MORC3: variants seen among roughly 807,000 people sequenced by gnomAD.
MORC3 encodes MORC family CW-type zinc finger 3.
Under a neutral mutation model 109.1 loss-of-function variants are expected in MORC3, and 31 were observed. That is an observed-to-expected ratio of 0.28 (90% CI 0.21 to 0.38). The LOEUF (loss-of-function observed/expected upper bound fraction) is 0.38. Ranked by LOEUF, MORC3 falls within the 10% of genes least tolerant of loss-of-function variation. The probability of loss-of-function intolerance (pLI) is 1.00; values close to 1 mark genes in which losing one functional copy is unlikely to be tolerated. For missense variants in MORC3, 867 were observed against 1,135.8 expected (o/e 0.76, Z 3.40); for synonymous variants, 395 against 380.7 (o/e 1.04, Z -0.44).
At position 36,369,298 on chromosome 21, in the gene MORC3, G is replaced by A. The variant is rs1251356324; in HGVS notation, c.1930G>A (p.Val644Ile). 2 of 1,614,010 alleles carry A rather than the reference G, an allele frequency of 1.2e-6. No individual in the cohort carries two copies. The highest frequency in any genetic ancestry group is 4.5e-5 in the East Asian group (2 of 44,900). ...QGNTAATQTE[V>I]PSLVVKKEET... ...AAATACTGCAGCTACCCAGACTGAA[G>A]TACCAAGTTTAGTTGTTAAAAAAGA... is the stretch of plus-strand genomic sequence containing the variant. The change falls in exon 15 of 17, where the codon GTA (valine) becomes ATA (isoleucine). Residue 644 changes from valine to isoleucine, a missense_variant. Around this residue, in one of 7 missense-constraint regions of MORC3, gnomAD observed 486 missense variants for 502.1 expected, o/e 0.97. Transcript: ENST00000400485.
chr21:36,357,267 C>T (rs1183473808), intron 10 of MORC3, among the ~76,000 whole-genome samples: 2 of 151,960 alleles, frequency 1.3e-5, no homozygotes, highest in Non-Finnish European at 2.9e-5. Flanking sequence ...TGTTCTTTAT[C>T]TGTGTGTTCT....
chr21:36,363,235 A>G (rs956204647), intron 13 of MORC3, among the ~76,000 whole-genome samples: 3 of 152,124 alleles, frequency 2.0e-5, no homozygotes, highest in Non-Finnish European at 4.4e-5. Flanking sequence ...CCTGGGCAAT[A>G]TGGCAAAACC....
chr21:36,362,085 C>A, intron 12 of MORC3, 98 bp from the exon 13 acceptor site: 1 of 1,206,880 alleles, frequency 8.3e-7, no homozygotes, highest in Non-Finnish European at 1.2e-6. Flanking sequence ...GAAATAGAAG[C>A]AGAGTTCAGA....
chr21:36,328,538 G>A (rs1381973535), intron 1 of MORC3, among the ~76,000 whole-genome samples: 3 of 151,578 alleles, frequency 2.0e-5, no homozygotes, highest in East Asian at 3.9e-4. Flanking sequence ...ACAAGGTTTC[G>A]CCATGTTGGC....
intron 1 of MORC3, among the ~76,000 whole-genome samples, chr21:36,331,667 T>C (rs2085317032): frequency 6.6e-6 from 1 of 152,124 alleles, no homozygotes; most frequent in Non-Finnish European, 1.5e-5. Context: ...GTACCACTAC[T>C]CAGGAACTTA....
At chr21:36,324,257 T>C (rs935326463) in intron 1 of MORC3, among the ~76,000 whole-genome samples, 1 of 152,064 alleles carries the variant, frequency 6.6e-6, no homozygotes, top group African/African-American at 2.4e-5. Flanking sequence ...TTCATTCTTA[T>C]TGCTAGATAC....
intron 9 of MORC3, 86 bp downstream of exon 9, chr21:36,349,494 T>A: frequency 2.5e-6 from 2 of 808,490 alleles, no homozygotes; most frequent in Non-Finnish European, 3.8e-6. Context: ...TCTGTGAATC[T>A]CAGAAATACC....
chr21:36,369,284 C>T lies in MORC3; in HGVS notation c.1916C>T (p.Ala639Val). ...SSRCDQGNTA[A>V]TQTEVPSLVV... ...CGATGCGACCAGGGAAATACTGCAG[C>T]TACCCAGACTGAAGTACCAAGTTTA... Residue 639 changes from alanine to valine, a missense_variant, in exon 15 of 17, where the codon GCT (alanine) becomes GTT (valine). Transcript: ENST00000400485. 1 of 1,614,138 alleles carries T rather than the reference C, an allele frequency of 6.2e-7. No homozygotes were observed. Among genetic ancestry groups the T allele is most frequent in the Non-Finnish European group, 8.5e-7 (1 of 1,180,042 alleles).
chr21:36,333,568 CA>C, intron 1 of MORC3, 77 bp from the exon 2 acceptor site: 2 of 1,193,106 alleles, frequency 1.7e-6, no homozygotes, highest in Middle Eastern at 2.0e-4. Flanking sequence ...TGTTGTTTAA[CA>C]CAGGGATAAA....
chr21:36,334,192 C>A (rs2085349308), intron 2 of MORC3, among the ~76,000 whole-genome samples: 1 of 151,992 alleles, frequency 6.6e-6, no homozygotes, highest in Non-Finnish European at 1.5e-5. Context: ...GAAGTTGAGG[C>A]TGCAATGAGC....
At chr21:36,373,232 C>T (rs1168763014) in intron 16 of MORC3, among the ~76,000 whole-genome samples, 2 of 151,690 alleles carry the variant, frequency 1.3e-5, no homozygotes, top group Non-Finnish European at 1.5e-5. Context: ...CCCAGCTACT[C>T]GGGAGGCTCA....
intron 9 of MORC3, among the ~76,000 whole-genome samples, chr21:36,352,698 C>G (rs772742930): frequency 6.6e-6 from 1 of 152,012 alleles, no homozygotes; most frequent in African/African-American, 2.4e-5. Flanking sequence ...TACCATTAAC[C>G]CTTGAACAGC....
chr21:36,361,879 A>G (rs2085720847), intron 12 of MORC3: 1 of 334,062 alleles, frequency 3.0e-6, no homozygotes, highest in African/African-American at 2.2e-5. Flanking sequence ...ACTCCCTCTC[A>G]AAAGAAAAAA....
chr21:36,361,072 T>TAAA (rs36107591), intron 12 of MORC3, among the ~76,000 whole-genome samples: 1 of 139,264 alleles, frequency 7.2e-6, no homozygotes, highest in Non-Finnish European at 1.6e-5. Context: ...GACTCTATCT[T>TAAA]AAAAAAAAAA....
At chr21:36,370,630 TA>T (rs2085847190) in intron 15 of MORC3, among the ~76,000 whole-genome samples, 42 of 19,520 alleles carry the variant, frequency 2.2e-3, no homozygotes, top group African/African-American at 8.0e-3. Flanking sequence ...TATATATATA[TA>T]TATATATATT....
chr21:36,360,534 C>T (rs1251679088), intron 12 of MORC3: 2 of 456,266 alleles, frequency 4.4e-6, no homozygotes, highest in Admixed American at 3.9e-5. Flanking sequence ...GTGAATACCC[C>T]CCCCATTGAA....
intron 16 of MORC3, 41 bp downstream of exon 16, chr21:36,372,572 G>T: frequency 1.3e-6 from 2 of 1,522,260 alleles, no homozygotes; most frequent in South Asian, 2.7e-5. Flanking sequence ...TGCAATTATG[G>T]TTAGGATACT....
chr21:36,369,587 A>T lies in MORC3; in HGVS notation c.2219A>T (p.Lys740Met). The T allele has an allele frequency of 6.2e-7, 1 of 1,614,258 alleles. No individual in the cohort carries two copies. Among genetic ancestry groups the T allele is most frequent in the Non-Finnish European group, 8.5e-7 (1 of 1,180,046 alleles). Reference protein sequence around the residue: ...RILEMNDKYVKKETCHQSTET... With the variant: ...RILEMNDKYVMKETCHQSTET... ...CTAGAAATGAATGACAAGTATGTTAAGAAAGAAACTTGCCATCAGTCCACT... is the reference window on the plus strand; with the variant it reads ...CTAGAAATGAATGACAAGTATGTTATGAAAGAAACTTGCCATCAGTCCACT... Residue 740 changes from lysine (K) to methionine (M), a missense_variant, in exon 15 of 17, where the codon AAG becomes ATG. Transcript: ENST00000400485.
chr21:36,357,542 G>A (rs1219311448), intron 10 of MORC3, among the ~76,000 whole-genome samples: 1 of 151,762 alleles, frequency 6.6e-6, no homozygotes, highest in Non-Finnish European at 1.5e-5. Flanking sequence ...GAGCCACCGT[G>A]CCCAGCTTGT....
Sources: allele counts gnomAD v4.1 joint callset (sites outside exome capture counted in the v4.1 genomes callset), GRCh38; gene constraint gnomAD v4.1.1; regional missense constraint gnomAD v4.1.1; transcripts MANE v1.5; gene names NCBI Gene and HGNC (gene_info 2026-07-23, HGNC 2026-07-21).